Variants in ELAPOR2 observed in about 807,000 individuals in gnomAD.
ELAPOR2 encodes endosome/lysosome-associated apoptosis and autophagy regulator family member 2.
A neutral mutation model predicts 120.7 loss-of-function variants in ELAPOR2; 89 were observed. The ratio of observed to expected loss-of-function variants is 0.74; its 90% CI spans 0.62 to 0.88. The LOEUF (loss-of-function observed/expected upper bound fraction) is 0.88, where lower values mean the gene tolerates loss of function less well. Among genes scored for constraint, ELAPOR2 ranks in the 40% least tolerant of loss-of-function variants. The pLI, the probability that ELAPOR2 is intolerant of heterozygous loss-of-function variation, is 0.00. For missense variants in ELAPOR2, 1,134 were observed against 1,251.6 expected, an observed-to-expected ratio of 0.91 and a Z score of 1.42; for synonymous variants, 444 against 444.9, an observed-to-expected ratio of 1.00 and a Z score of 0.03.
At chr7:87,024,692 C>G (rs979567072) in intron 1 of ELAPOR2, among the ~76,000 whole-genome samples, 1 of 152,048 alleles carries the variant, frequency 6.6e-6, no homozygotes, top group Non-Finnish European at 1.5e-5. Context: ...TCCATCTGGT[C>G]CTGGACTTTT....
intron 18 of ELAPOR2, among the ~76,000 whole-genome samples, chr7:86,904,781 G>T (rs1454904067): frequency 3.3e-5 from 5 of 152,126 alleles, no homozygotes; most frequent in Admixed American, 2.0e-4. Context: ...GGGATCTTAT[G>T]ACATTTTCCC....
At chr7:86,986,470 T>C (rs1371774882) in intron 1 of ELAPOR2, among the ~76,000 whole-genome samples, 2 of 139,758 alleles carry the variant, frequency 1.4e-5, no homozygotes, top group African/African-American at 5.7e-5. Context: ...CAGCCCAAAA[T>C]CTCCTTAAGC....
intron 2 of ELAPOR2, among the ~76,000 whole-genome samples, chr7:86,961,993 A>G (rs186885231): frequency 5.3e-5 from 8 of 152,158 alleles, no homozygotes; most frequent in African/African-American, 1.9e-4. Context: ...AATGGGGATC[A>G]GTGTCAATTA....
chr7:86,986,971 C>T (rs1007031755), intron 1 of ELAPOR2, among the ~76,000 whole-genome samples: 5 of 150,532 alleles, frequency 3.3e-5, no homozygotes, highest in African/African-American at 1.2e-4. Context: ...GTAACCAAAA[C>T]AGCATGATAC....
At chr7:86,987,411 C>T (rs948413399) in intron 1 of ELAPOR2, among the ~76,000 whole-genome samples, 3 of 152,110 alleles carry the variant, frequency 2.0e-5, no homozygotes, top group African/African-American at 7.2e-5. Context: ...GAACAGGCAC[C>T]CTACAGACTG....
At chr7:86,991,603 T>C (rs528483873) in intron 1 of ELAPOR2, among the ~76,000 whole-genome samples, 1 of 152,182 alleles carries the variant, frequency 6.6e-6, no homozygotes, top group Non-Finnish European at 1.5e-5. Context: ...CCAACTCTAT[T>C]ATACCAGGGC....
At chr7:86,936,222 T>C (rs1224929681) in intron 8 of ELAPOR2, among the ~76,000 whole-genome samples, 1 of 152,058 alleles carries the variant, frequency 6.6e-6, no homozygotes, top group Non-Finnish European at 1.5e-5. Context: ...TGTATTTATA[T>C]AAAGAGACAG....
At chr7:87,050,482 T>C (rs184744486) in intron 1 of ELAPOR2, among the ~76,000 whole-genome samples, 7 of 152,268 alleles carry the variant, frequency 4.6e-5, no homozygotes, top group Admixed American at 4.6e-4. Context: ...CCACCATGAC[T>C]GTAAGCTTCT....
intron 15 of ELAPOR2, among the ~76,000 whole-genome samples, chr7:86,910,372 T>C (rs752428368): frequency 6.6e-6 from 1 of 152,140 alleles, no homozygotes; most frequent in African/African-American, 2.4e-5. Context: ...AAACTGCTGA[T>C]GAAAGCTTCA....
At chr7:86,960,741 T>G (rs1304079200) in intron 2 of ELAPOR2, among the ~76,000 whole-genome samples, 1 of 152,212 alleles carries the variant, frequency 6.6e-6, no homozygotes, top group Non-Finnish European at 1.5e-5. Context: ...CATGTTGAGT[T>G]GACCCTTTTA....
chr7:86,914,946 TTTAAA>T (rs1789496981), intron 12 of ELAPOR2, 86 bp from the exon 13 acceptor site: 1 of 1,061,312 alleles, frequency 9.4e-7, no homozygotes, highest in Non-Finnish European at 1.3e-6. Context: ...TGTATTCATA[TTTAAA>T]GTAAACCCAT....
At chr7:86,981,622 G>C (rs1324744056) in intron 1 of ELAPOR2, among the ~76,000 whole-genome samples, 3 of 152,228 alleles carry the variant, frequency 2.0e-5, no homozygotes, top group Non-Finnish European at 2.9e-5. Flanking sequence ...TGAACCGCTA[G>C]TCATGTGCAA....
chr7:86,897,463 C>G (rs757406221), intron 19 of ELAPOR2, 43 bp downstream of exon 19: 2 of 1,587,510 alleles, frequency 1.3e-6, no homozygotes, highest in South Asian at 2.3e-5. Flanking sequence ...CCAGATTAAC[C>G]AACTATAATG....
At position 87,004,529 on chromosome 7, in the gene ELAPOR2, G is replaced by A. The variant is rs1390787787; in HGVS notation, c.190-39505C>T. Among the ~76,000 whole-genome samples, 5 of 152,144 alleles carry A rather than the reference G, an allele frequency of 3.3e-5. No individual in the cohort carries two copies. The East Asian group carries it at 9.6e-4, about 29-fold the overall frequency. On this transcript the variant is annotated intron_variant, in intron 1 of 21. Coordinates refer to ENST00000450689, the MANE Select transcript of ELAPOR2 (RefSeq NM_001142749.3). Reference sequence around the variant, plus strand: ...CTCTAAGTGTCTTTGACAGGCTGTTGTACACAAGATGCTGCAGAAAGCAAC... The same window carrying A: ...CTCTAAGTGTCTTTGACAGGCTGTTATACACAAGATGCTGCAGAAAGCAAC...
intron 4 of ELAPOR2, among the ~76,000 whole-genome samples, chr7:86,942,638 T>G (rs1790846359): frequency 6.6e-6 from 1 of 152,116 alleles, no homozygotes; most frequent in Admixed American, 6.6e-5. Context: ...AAATTTTTAT[T>G]TGGGGGTAAA....
intron 1 of ELAPOR2, among the ~76,000 whole-genome samples, chr7:86,974,575 C>T (rs1792210025): frequency 1.3e-5 from 1 of 77,012 alleles, no homozygotes. Context: ...TATCTGAACC[C>T]CTGTAGTGTG....
chr7:86,898,559 CAAAAAAAA>C (rs11418158), intron 18 of ELAPOR2, among the ~76,000 whole-genome samples: 1 of 66,586 alleles, frequency 1.5e-5, no homozygotes, highest in Non-Finnish European at 2.9e-5. Flanking sequence ...ACACAATGAC[CAAAAAAAA>C]AAAAAAAAAA....
intron 1 of ELAPOR2, among the ~76,000 whole-genome samples, chr7:87,041,631 C>A (rs1390364426): frequency 2.0e-5 from 3 of 152,026 alleles, no homozygotes; most frequent in East Asian, 3.8e-4. Context: ...TGAAAAGGAA[C>A]AACTGGTACC....
At chr7:87,019,324 A>G (rs1793968906) in intron 1 of ELAPOR2, among the ~76,000 whole-genome samples, 1 of 151,930 alleles carries the variant, frequency 6.6e-6, no homozygotes, top group Admixed American at 6.6e-5. Context: ...CTACTACACC[A>G]ATTTAAGTTT....
Sources: allele counts gnomAD v4.1 joint callset (sites outside exome capture counted in the v4.1 genomes callset), GRCh38; gene constraint gnomAD v4.1.1; transcripts MANE v1.5; gene names NCBI Gene and HGNC (gene_info 2026-07-23, HGNC 2026-07-21).